TYR: variants seen among roughly 807,000 people sequenced by gnomAD.
The protein encoded by TYR is LB24-AB.
In TYR, 58 loss-of-function variants were observed where a neutral mutation model predicts 51.5. That is an observed-to-expected ratio of 1.13 (90% CI 0.91 to 1.40). The LOEUF (loss-of-function observed/expected upper bound fraction) is 1.40. Among genes scored for constraint, TYR ranks in the 40% most tolerant of loss-of-function variants. The pLI, the probability that TYR is intolerant of heterozygous loss-of-function variation, is 0.00. For synonymous variants in TYR, 263 were observed against 235.2 expected, an observed-to-expected ratio of 1.12 and a Z score of -1.08; for missense variants, 732 against 647.4, an observed-to-expected ratio of 1.13 and a Z score of -1.42.
chr11:89,293,734 CA>C, intron 4 of TYR: 1 of 172,090 alleles, frequency 5.8e-6, no homozygotes. Context: ...TATCACAATG[CA>C]AACAATTAAG....
At chr11:89,198,439 AGAT>A (rs1230141870) in intron 2 of TYR, among the ~76,000 whole-genome samples, 2 of 152,088 alleles carry the variant, frequency 1.3e-5, no homozygotes, top group Non-Finnish European at 2.9e-5. Flanking sequence ...AGGTTTTGAA[AGAT>A]GATTGCCAGA....
At chr11:89,276,263 T>C (rs16913089) in intron 3 of TYR, among the ~76,000 whole-genome samples, 3,238 of 151,934 alleles carry the variant, frequency 0.021, 126 homozygotes, top group African/African-American at 0.075. Context: ...GGAGCATGTT[T>C]AACTGACAAT....
intron 3 of TYR, among the ~76,000 whole-genome samples, chr11:89,251,429 A>G (rs971692801): frequency 3.9e-5 from 6 of 151,920 alleles, no homozygotes; most frequent in African/African-American, 1.4e-4. Flanking sequence ...TGTTATTTTT[A>G]TCCTAAAGTA....
chr11:89,210,865 A>G (rs1229434093), intron 2 of TYR, among the ~76,000 whole-genome samples: 1 of 152,162 alleles, frequency 6.6e-6, no homozygotes, highest in African/African-American at 2.4e-5. Flanking sequence ...CTACACTAAG[A>G]TTCCTAAGTG....
rs765106344 is a variant in TYR at position 89,234,506 on chromosome 11, A to C, written c.1184+6536A>C. On this transcript the variant is annotated intron_variant, in intron 3 of 4. Transcript: ENST00000263321. ...TAGCTTTCAGCCTACGTGAGCTTTC[A>C]ACATGCCTTCCTCACTAAGCTCAAT... Among the ~76,000 whole-genome samples, 4 of 143,610 alleles carry C rather than the reference A, an allele frequency of 2.8e-5. 1 individual carries two copies. The highest frequency in any genetic ancestry group is 5.5e-5 in the African/African-American group (2 of 36,434). 94.2% of individuals were successfully genotyped at this position (143,610 alleles called of 152,430 possible).
intron 2 of TYR, among the ~76,000 whole-genome samples, chr11:89,221,494 G>A (rs1357866496): frequency 6.6e-6 from 1 of 152,154 alleles, no homozygotes; most frequent in African/African-American, 2.4e-5. Context: ...CGTGTATCTA[G>A]GGACTTGCTT....
chr11:89,200,560 G>A (rs910269695), intron 2 of TYR: 1 of 151,840 alleles, frequency 6.6e-6, no homozygotes, highest in African/African-American at 2.4e-5. Context: ...CTTCTCATTT[G>A]TAAAACTGAA....
chr11:89,240,251 G>C (rs1198499755), intron 3 of TYR, among the ~76,000 whole-genome samples: 1 of 151,690 alleles, frequency 6.6e-6, no homozygotes. Flanking sequence ...TAAAATGAAA[G>C]CTGGAAATCA....
chr11:89,243,763 C>A (rs996778985), intron 3 of TYR, among the ~76,000 whole-genome samples: 6 of 152,068 alleles, frequency 3.9e-5, no homozygotes, highest in Non-Finnish European at 7.4e-5. Context: ...TTTCTCAAAG[C>A]ATTCTATAAA....
At chr11:89,250,319 C>T (rs753443963) in intron 3 of TYR, among the ~76,000 whole-genome samples, 47 of 151,820 alleles carry the variant, frequency 3.1e-4, no homozygotes, top group Non-Finnish European at 4.9e-4. Context: ...AGTCTGAAGG[C>T]GGAGGCAAAG....
chr11:89,199,099 T>A (rs1943563168), intron 2 of TYR, among the ~76,000 whole-genome samples: 1 of 152,192 alleles, frequency 6.6e-6, no homozygotes, highest in Non-Finnish European at 1.5e-5. Context: ...CTCATCCTTT[T>A]TTATGGCTGC....
chr11:89,208,715 C>A (rs957026081), intron 2 of TYR, among the ~76,000 whole-genome samples: 1 of 152,146 alleles, frequency 6.6e-6, no homozygotes, highest in East Asian at 1.9e-4. Context: ...AACATATACC[C>A]AAATCCCTAA....
intron 3 of TYR, among the ~76,000 whole-genome samples, chr11:89,284,335 A>G (rs1184685689): frequency 6.6e-6 from 1 of 151,850 alleles, no homozygotes; most frequent in African/African-American, 2.4e-5. Flanking sequence ...GAATGTTTAA[A>G]TCATTGAAAG....
chr11:89,264,181 G>A (rs566420031), intron 3 of TYR, among the ~76,000 whole-genome samples: 28 of 151,936 alleles, frequency 1.8e-4, no homozygotes, highest in Admixed American at 3.9e-4. Flanking sequence ...ATCCAGAGGT[G>A]GAAATGCAGA....
At chr11:89,252,472 C>A (rs893441337) in intron 3 of TYR, among the ~76,000 whole-genome samples, 4 of 151,512 alleles carry the variant, frequency 2.6e-5, no homozygotes, top group Non-Finnish European at 5.9e-5. Flanking sequence ...CCACATAAAT[C>A]AAAGACCCTA....
chr11:89,223,555 G>C (rs1187096688), intron 2 of TYR, among the ~76,000 whole-genome samples: 1 of 152,024 alleles, frequency 6.6e-6, no homozygotes, highest in Non-Finnish European at 1.5e-5. Flanking sequence ...TTCCCTCGTA[G>C]GTTTTTTGGA....
intron 2 of TYR, among the ~76,000 whole-genome samples, chr11:89,198,390 C>T (rs1478690301): frequency 6.6e-6 from 1 of 152,054 alleles, no homozygotes; most frequent in African/African-American, 2.4e-5. Context: ...GAATCAGAAA[C>T]TCAGTAGTTT....
intron 2 of TYR, among the ~76,000 whole-genome samples, chr11:89,215,945 C>A (rs988451882): frequency 1.3e-5 from 2 of 151,982 alleles, no homozygotes; most frequent in African/African-American, 2.4e-5. Flanking sequence ...ACATAGAAAA[C>A]CTCTGTTACT....
chr11:89,265,967 A>G (rs1052080538), intron 3 of TYR, among the ~76,000 whole-genome samples: 4 of 152,020 alleles, frequency 2.6e-5, no homozygotes, highest in African/African-American at 9.7e-5. Context: ...ATAAATGGTA[A>G]GTACATGGGA....
Sources: gnomAD v4.1 joint callset for allele counts (sites outside exome capture counted in the v4.1 genomes callset) on GRCh38, gnomAD v4.1.1 for gene constraint, MANE v1.5 for transcripts, NCBI Gene and HGNC (gene_info 2026-07-23, HGNC 2026-07-21) for gene names.